CTTNBP2: variants seen among roughly 807,000 people sequenced by gnomAD.
CTTNBP2 encodes cortactin binding protein 2, also known as cortactin-binding protein 2.
A neutral mutation model predicts 156.9 loss-of-function variants in CTTNBP2; 108 were observed. The ratio of observed to expected loss-of-function variants is 0.69; its 90% CI spans 0.59 to 0.81. CTTNBP2 has a LOEUF of 0.81. Ranked by LOEUF, CTTNBP2 falls within the 30% of genes least tolerant of loss-of-function variation. CTTNBP2 has a pLI of 0.00. For synonymous variants in CTTNBP2, 767 were observed against 751.8 expected (o/e 1.02, Z -0.33); for missense variants, 1,924 against 2,035.4 (o/e 0.95, Z 1.05).
chr7:117,719,543 C>T lies in CTTNBP2; in HGVS notation c.4605G>A (p.Gln1535=). ...DDEADLVKEL[Q]SMCSSKSESD... ...ACTCAGACTTGCTGGAGCACATGCT[C>T]TGAAGTTCCTTGACAAGATCTGCTT... The change falls in exon 21 of 23, where the codon CAG becomes CAA. Residue 1535 remains glutamine (Q), a synonymous_variant. Transcript: ENST00000160373. 1 of 1,614,056 alleles carries T rather than the reference C, an allele frequency of 6.2e-7. No homozygotes were observed. Among genetic ancestry groups the T allele is most frequent in the South Asian group, 1.1e-5 (1 of 91,046 alleles).
chr7:117,747,677 G>T (rs1796408129), intron 12 of CTTNBP2, among the ~76,000 whole-genome samples: 1 of 152,174 alleles, frequency 6.6e-6, no homozygotes, highest in Non-Finnish European at 1.5e-5. Context: ...GGAGGTTGAG[G>T]CAGGAGAATC....
At chr7:117,759,407 C>T (rs574564969) in intron 10 of CTTNBP2, among the ~76,000 whole-genome samples, 1 of 152,250 alleles carries the variant, frequency 6.6e-6, no homozygotes, top group East Asian at 1.9e-4. Flanking sequence ...CCACCATGCA[C>T]AGCCAATAAT....
intron 22 of CTTNBP2, 139 bp from the exon 23 acceptor site, chr7:117,711,921 AGAG>A (rs1407264441): frequency 7.7e-6 from 6 of 777,816 alleles, no homozygotes; most frequent in Admixed American, 3.1e-5. Context: ...AAGAAAATGG[AGAG>A]GAGAAGCTGA....
At chr7:117,760,793 A>G (rs1040812415) in intron 9 of CTTNBP2, 83 bp from the exon 10 acceptor site, 239 of 902,120 alleles carry the variant, frequency 2.6e-4, no homozygotes, top group Admixed American at 4.9e-5. Flanking sequence ...ATAAGCAGAT[A>G]TAAACATTTA....
chr7:117,810,783 A>C lies in CTTNBP2; in HGVS notation c.396T>G (p.Ala132=). ...QERMSAQLAA[A]ESRQKKLEME... ...TCAATACCTTCTTTTGTCTGCTCTC[A>C]GCAGCAGCCAGCTGTGCGGACATCC... Residue 132 remains alanine (A), a synonymous_variant, in exon 3 of 23, where the codon GCT becomes GCG. Transcript: ENST00000160373. 1 of 1,613,274 alleles carries C rather than the reference A, an allele frequency of 6.2e-7. No individual in the cohort carries two copies. Among genetic ancestry groups the C allele is most frequent in the Non-Finnish European group, 8.5e-7 (1 of 1,179,954 alleles).
chr7:117,759,740 A>G (rs1002040027), intron 10 of CTTNBP2, among the ~76,000 whole-genome samples: 5 of 152,162 alleles, frequency 3.3e-5, no homozygotes, highest in African/African-American at 1.2e-4. Context: ...TTATCTGTAA[A>G]ATGACACCAC....
chr7:117,780,565 T>A lies in CTTNBP2; in HGVS notation c.2399A>T (p.Asp800Val), dbSNP rs758119190. ...FECVELLISY[D>V]ANINHAADGG... ...ATCAGCAGCATGATTAATGTTAGCA[T>A]CATATGAAATTAATAATTCTACACA... Residue 800 changes from aspartate to valine, a missense_variant, in exon 7 of 23, where the codon GAT (aspartate) becomes GTT (valine). Coordinates refer to ENST00000160373, the MANE Select transcript of CTTNBP2 (RefSeq NM_033427.3). 6.3e-6 allele frequency: 10 copies of A among 1,589,432 alleles called. No individual in the cohort carries two copies. Among genetic ancestry groups the A allele is most frequent in the Non-Finnish European group, 8.6e-6 (10 of 1,168,368 alleles).
chr7:117,816,069 A>G (rs1204860107), intron 2 of CTTNBP2, among the ~76,000 whole-genome samples: 1 of 152,168 alleles, frequency 6.6e-6, no homozygotes, highest in East Asian at 1.9e-4. Context: ...TGTTGGAGGG[A>G]AGTCTCCTTC....
intron 1 of CTTNBP2, among the ~76,000 whole-genome samples, chr7:117,863,748 G>A (rs537516410): frequency 1.8e-4 from 27 of 152,318 alleles, no homozygotes; most frequent in African/African-American, 5.8e-4. Context: ...GAAGGCAGGC[G>A]ATTGTTATTA....
At chr7:117,829,133 G>C (rs1470056443) in intron 2 of CTTNBP2, among the ~76,000 whole-genome samples, 1 of 152,168 alleles carries the variant, frequency 6.6e-6, no homozygotes, top group Non-Finnish European at 1.5e-5. Flanking sequence ...GGCCTCAGTG[G>C]CCTCAGAGCA....
intron 2 of CTTNBP2, among the ~76,000 whole-genome samples, chr7:117,831,612 A>C (rs1170536365): frequency 6.6e-6 from 1 of 152,118 alleles, no homozygotes; most frequent in Admixed American, 6.5e-5. Flanking sequence ...AAGACTGTAT[A>C]CATTTGAGGT....
At position 117,718,022 on chromosome 7, in the gene CTTNBP2, T is replaced by G; in HGVS notation, c.4742A>C (p.Gln1581Pro). 6.3e-7 allele frequency: 1 copy of G among 1,596,874 alleles called. No individual in the cohort carries two copies. The highest frequency in any genetic ancestry group is 8.6e-7 in the Non-Finnish European group (1 of 1,164,306). ...TGGGGAGAAAGGGACACTTACCTTT[T>G]GTGACACTGGCATTCTCAGATTATT... The part of the protein sequence containing the change: ...TINNLRMPVS[Q>P]KEVSPLSSHQ... The change falls in exon 22 of 23, where the codon CAA becomes CCA. Residue 1581 changes from glutamine to proline, a missense_variant. Transcript: ENST00000160373.
At chr7:117,780,615 T>G in intron 6 of CTTNBP2, 24 bp from the exon 7 acceptor site, 1 of 1,503,886 alleles carries the variant, frequency 6.6e-7, no homozygotes, top group Non-Finnish European at 8.9e-7. Flanking sequence ...TAGGATTAAT[T>G]ACATAAAACC....
At chr7:117,725,379 T>C (rs1361909996) in intron 17 of CTTNBP2, 122 bp from the exon 18 acceptor site, 2 of 844,940 alleles carry the variant, frequency 2.4e-6, no homozygotes, top group African/African-American at 3.4e-5. Context: ...ATAGATATGC[T>C]ACCTTTCCCA....
At chr7:117,716,033 A>C (rs904478240) in intron 22 of CTTNBP2, 1 of 152,006 alleles carries the variant, frequency 6.6e-6, no homozygotes, top group Admixed American at 6.6e-5. Context: ...GCTCTTGGGG[A>C]AGAGTCCCTC....
intron 19 of CTTNBP2, among the ~76,000 whole-genome samples, chr7:117,722,023 C>A (rs549174142): frequency 4.1e-4 from 63 of 152,308 alleles, no homozygotes; most frequent in Non-Finnish European, 7.6e-4. Flanking sequence ...AAAAGCAGAT[C>A]AAAGAAAATC....
At chr7:117,749,582 C>T (rs184309152) in intron 12 of CTTNBP2, among the ~76,000 whole-genome samples, 13 of 152,178 alleles carry the variant, frequency 8.5e-5, no homozygotes, top group African/African-American at 1.4e-4. Context: ...TTCTAGGACC[C>T]GCAGTCTTCA....
At chr7:117,804,390 A>C (rs902474565) in intron 3 of CTTNBP2, among the ~76,000 whole-genome samples, 8 of 152,214 alleles carry the variant, frequency 5.3e-5, no homozygotes, top group Non-Finnish European at 7.3e-5. Flanking sequence ...GAAAAACACA[A>C]CACCACAGAC....
chr7:117,739,360 T>G (rs1795872638), intron 14 of CTTNBP2, among the ~76,000 whole-genome samples: 1 of 152,178 alleles, frequency 6.6e-6, no homozygotes, highest in Non-Finnish European at 1.5e-5. Flanking sequence ...CCTTTTTACC[T>G]TCGGCCAAAA....
Sources: allele counts gnomAD v4.1 joint callset (sites outside exome capture counted in the v4.1 genomes callset), GRCh38; gene constraint gnomAD v4.1.1; transcripts MANE v1.5; gene names NCBI Gene and HGNC (gene_info 2026-07-23, HGNC 2026-07-21).